Variants in ERC1 observed in about 807,000 individuals in gnomAD.
ERC1 encodes RAB6 interacting protein 2.
ERC1 carries 56 observed loss-of-function variants against 132.0 expected under a neutral mutation model. That is an observed-to-expected ratio of 0.42 (90% CI 0.34 to 0.53). The LOEUF (loss-of-function observed/expected upper bound fraction) is 0.53, where lower values mean the gene tolerates loss of function less well. ERC1 is among the 20% of genes least tolerant of loss of function. The pLI is 0.03. For missense variants in ERC1, 1,202 were observed against 1,349.9 expected, an observed-to-expected ratio of 0.89 and a Z score of 1.72; for synonymous variants, 478 against 476.1, an observed-to-expected ratio of 1.00 and a Z score of -0.05.
At chr12:1,400,908 A>ATTTTTTTTTTTTTTTTTTT (rs2090967822) in intron 16 of ERC1, among the ~76,000 whole-genome samples, 1 of 43,400 alleles carries the variant, frequency 2.3e-5, no homozygotes, top group African/African-American at 6.7e-5. Context: ...TGTTTTGGCT[A>ATTTTTTTTTTTTTTTTTTT]TTTTTGTATT....
rs76571638 is a variant in ERC1 at position 1,389,065 on chromosome 12, C to G, written c.2925+17088C>G. On this transcript the variant is annotated intron_variant, in intron 16 of 18. Coordinates refer to ENST00000360905, the MANE Select transcript of ERC1 (RefSeq NM_178040.4). The stretch of plus-strand genomic sequence containing the variant: ...ATTGGTGGTTCCCGTGCTGTTTCTT[C>G]TATGCTTGGGTCCCACGGTCACTAC... 3.7e-3 allele frequency among the ~76,000 whole-genome samples: 570 copies of G among 152,316 alleles called. 1 individual carries two copies. The highest frequency in any genetic ancestry group is 0.013 in the African/African-American group (548 of 41,552).
At chr12:1,099,378 G>A (rs1296920463) in intron 3 of ERC1, among the ~76,000 whole-genome samples, 1 of 151,876 alleles carries the variant, frequency 6.6e-6, no homozygotes, top group Non-Finnish European at 1.5e-5. Context: ...GATTTTAGTT[G>A]GCCGAAAACA....
At position 1,027,810 on chromosome 12, in the gene ERC1, A is replaced by G; in HGVS notation, c.-94A>G. 1 of 1,147,412 alleles carries G rather than the reference A, an allele frequency of 8.7e-7. No individual in the cohort carries two copies. 71.1% of individuals were successfully genotyped at this position (1,147,412 alleles called of 1,614,324 possible). ...GGGACCTTCTTCTGATTAACCTTAAACCAACTTGTAGCCATAGAGACACCT... is the reference window on the plus strand; with the variant it reads ...GGGACCTTCTTCTGATTAACCTTAAGCCAACTTGTAGCCATAGAGACACCT... On this transcript the variant is annotated 5_prime_UTR_variant, in exon 2 of 19. Coordinates refer to ENST00000360905, the MANE Select transcript of ERC1 (RefSeq NM_178040.4).
rs73593916 is a variant in ERC1, at chr12:1,148,083, A to G, written c.1737+6296A>G. On this transcript the variant is annotated intron_variant, in intron 8 of 18. Coordinates refer to ENST00000360905, the MANE Select transcript of ERC1 (RefSeq NM_178040.4). ...GACAGCAAGCTACTAAAAAAGCCTT[A>G]GATGATTAATGTTACTGGAAGAAAA... 6.4e-3 allele frequency among the ~76,000 whole-genome samples: 973 copies of G among 152,348 alleles called. 10 individuals carry two copies. Among genetic ancestry groups the G allele is most frequent in the African/African-American group, 0.023 (943 of 41,572 alleles).
intron 18 of ERC1, among the ~76,000 whole-genome samples, chr12:1,455,281 A>G (rs1449383191): frequency 6.6e-6 from 1 of 152,204 alleles, no homozygotes; most frequent in African/African-American, 2.4e-5. Context: ...CATTAACTGT[A>G]GTCACCCTAT....
chr12:1,255,582 G>GT (rs1470702865), intron 13 of ERC1, among the ~76,000 whole-genome samples: 1 of 105,338 alleles, frequency 9.5e-6, no homozygotes, highest in Non-Finnish European at 1.9e-5. Flanking sequence ...AAGCATTCCT[G>GT]TTTTTCCACA....
At chr12:1,375,576 G>C (rs570534744) in intron 16 of ERC1, among the ~76,000 whole-genome samples, 100 of 152,260 alleles carry the variant, frequency 6.6e-4, no homozygotes, top group African/African-American at 2.3e-3. Flanking sequence ...ACCTCACAGA[G>C]TTGGTGTGAA....
At chr12:1,325,564 G>A (rs2082390056) in intron 15 of ERC1, among the ~76,000 whole-genome samples, 1 of 151,950 alleles carries the variant, frequency 6.6e-6, no homozygotes, top group African/African-American at 2.4e-5. Context: ...AATATTAGAA[G>A]GACAGAAGTT....
chr12:1,005,294 G>A (rs979428921), intron 1 of ERC1, among the ~76,000 whole-genome samples: 7 of 151,862 alleles, frequency 4.6e-5, no homozygotes, highest in African/African-American at 1.7e-4. Flanking sequence ...GGGACTGCAG[G>A]AGTGCACCAC....
intron 12 of ERC1, among the ~76,000 whole-genome samples, chr12:1,217,193 A>C (rs960120789): frequency 2.6e-5 from 4 of 152,200 alleles, no homozygotes; most frequent in African/African-American, 7.2e-5. Flanking sequence ...TCATAGATCC[A>C]AAAAGCCAAG....
chr12:1,082,500 TTTTTTTAAG>T, intron 2 of ERC1, among the ~76,000 whole-genome samples: 1 of 136,010 alleles, frequency 7.4e-6, no homozygotes. Context: ...TTTTTTTTTT[TTTTTTTAAG>T]ACAGAGTTTC....
rs1033821859 is a variant in ERC1, at chr12:1,018,300, C to T, written c.-156-9448C>T. On this transcript the variant is annotated intron_variant, in intron 1 of 18. Coordinates refer to ENST00000360905, the MANE Select transcript of ERC1 (RefSeq NM_178040.4). ...CACTGCAACTTCCACCTCCCGGCTT[C>T]AAGCGATTCTCCAAGTTGATTCTCC... Among the ~76,000 whole-genome samples, 23 of 152,184 alleles carry T rather than the reference C, an allele frequency of 1.5e-4. 1 individual carries two copies. The highest frequency in any genetic ancestry group is 3.2e-4 in the Non-Finnish European group (22 of 68,036).
intron 1 of ERC1, among the ~76,000 whole-genome samples, chr12:991,985 G>A (rs1959535524): frequency 6.6e-6 from 1 of 151,404 alleles, no homozygotes; most frequent in Non-Finnish European, 1.5e-5. Flanking sequence ...GGCGGGGTGG[G>A]TGGGGGGTCG....
At chr12:1,481,973 C>G (rs889252669) in intron 18 of ERC1, among the ~76,000 whole-genome samples, 3 of 152,194 alleles carry the variant, frequency 2.0e-5, no homozygotes, top group Non-Finnish European at 4.4e-5. Flanking sequence ...CTTTCAGCTT[C>G]TTAGTCATGC....
At chr12:1,304,889 A>G (rs1204555806) in intron 15 of ERC1, among the ~76,000 whole-genome samples, 3 of 136,704 alleles carry the variant, frequency 2.2e-5, no homozygotes, top group Admixed American at 1.7e-4. Flanking sequence ...TCCCGGGTTG[A>G]CGCCATTCTC....
intron 12 of ERC1, among the ~76,000 whole-genome samples, chr12:1,192,022 A>G (rs1457267506): frequency 6.6e-6 from 1 of 152,242 alleles, no homozygotes; most frequent in African/African-American, 2.4e-5. Context: ...CAGAGAAGTC[A>G]TTGCTGAAGT....
At chr12:1,387,772 TGA>T (rs2089533032) in intron 16 of ERC1, among the ~76,000 whole-genome samples, 1 of 152,158 alleles carries the variant, frequency 6.6e-6, no homozygotes, top group East Asian at 1.9e-4. Context: ...GCTAGAACTG[TGA>T]GAGAGTAAAT....
At position 1,273,396 on chromosome 12, in the gene ERC1, G is replaced by A. The variant is rs79779296; in HGVS notation, c.2619+10231G>A. On this transcript the variant is annotated intron_variant, in intron 14 of 18. Coordinates refer to ENST00000360905, the MANE Select transcript of ERC1 (RefSeq NM_178040.4). ...TCTAAATACTATTCAATATTAGAAGGACTTGAAATCTAAACAAAAGTTACT... is the reference window on the plus strand; with the variant it reads ...TCTAAATACTATTCAATATTAGAAGAACTTGAAATCTAAACAAAAGTTACT... Among the ~76,000 whole-genome samples, 51 of 152,246 alleles carry A rather than the reference G, an allele frequency of 3.3e-4. 1 individual carries two copies. The East Asian group carries it at 9.6e-3, about 29-fold the overall frequency.
At chr12:1,376,960 A>G (rs981155709) in intron 16 of ERC1, among the ~76,000 whole-genome samples, 2 of 152,096 alleles carry the variant, frequency 1.3e-5, no homozygotes, top group Non-Finnish European at 2.9e-5. Context: ...CTTCCTTGAG[A>G]TGAGATGACA....
Sources: allele counts gnomAD v4.1 joint callset (sites outside exome capture counted in the v4.1 genomes callset), GRCh38; gene constraint gnomAD v4.1.1; transcripts MANE v1.5; gene names NCBI Gene and HGNC (gene_info 2026-07-23, HGNC 2026-07-21).